ULK4: variants seen among roughly 807,000 people sequenced by gnomAD.
ULK4 encodes inactive serine/threonine-protein kinase ULK4.
ULK4 carries 133 observed loss-of-function variants against 160.6 expected under a neutral mutation model. That is an observed-to-expected ratio of 0.83 (90% CI 0.72 to 0.96). ULK4 has a LOEUF of 0.96. ULK4 is among the 40% of genes least tolerant of loss of function. The probability of loss-of-function intolerance (pLI) is 0.00; values close to 1 mark genes in which losing one functional copy is unlikely to be tolerated. For synonymous variants in ULK4, 534 were observed against 539.8 expected, an observed-to-expected ratio of 0.99 and a Z score of 0.15; for missense variants, 1,580 against 1,499.5, an observed-to-expected ratio of 1.05 and a Z score of -0.89.
chr3:41,273,224 G>T (rs186961717), intron 35 of ULK4, among the ~76,000 whole-genome samples: 31 of 152,052 alleles, frequency 2.0e-4, no homozygotes, highest in African/African-American at 5.5e-4. Flanking sequence ...TTTTTTTGAG[G>T]TCTTGCTTTT....
chr3:41,791,587 C>T (rs2040153152), intron 20 of ULK4, among the ~76,000 whole-genome samples: 1 of 152,158 alleles, frequency 6.6e-6, no homozygotes, highest in African/African-American at 2.4e-5. Flanking sequence ...GAAGAACCTT[C>T]GATCTTCCAC....
At chr3:41,635,271 G>C (rs902905606) in intron 30 of ULK4, among the ~76,000 whole-genome samples, 3 of 152,094 alleles carry the variant, frequency 2.0e-5, no homozygotes, top group Admixed American at 6.6e-5. Context: ...AGGCTATCTT[G>C]TTGACCATGA....
At chr3:41,814,077 CG>C (rs2040894843) in intron 19 of ULK4, among the ~76,000 whole-genome samples, 1 of 152,100 alleles carries the variant, frequency 6.6e-6, no homozygotes, top group Admixed American at 6.5e-5. Flanking sequence ...TCACTGCAAA[CG>C]GGAGGTTTGT....
At chr3:41,439,112 G>A (rs2083101471) in intron 34 of ULK4, among the ~76,000 whole-genome samples, 1 of 152,200 alleles carries the variant, frequency 6.6e-6, no homozygotes, top group Admixed American at 6.5e-5. Flanking sequence ...AAAGGAGACA[G>A]AAGAAGCTTT....
intron 34 of ULK4, among the ~76,000 whole-genome samples, chr3:41,412,805 C>A (rs1024620658): frequency 1.3e-5 from 2 of 151,998 alleles, no homozygotes; most frequent in Non-Finnish European, 2.9e-5. Flanking sequence ...AAGTAATCCA[C>A]CTGTCTCATC....
chr3:41,624,489 T>C (rs1303723868), intron 30 of ULK4, among the ~76,000 whole-genome samples: 1 of 152,102 alleles, frequency 6.6e-6, no homozygotes, highest in Non-Finnish European at 1.5e-5. Flanking sequence ...CAGCTAGTTC[T>C]TCTCCAGGTC....
At chr3:41,572,463 T>C (rs916280707) in intron 31 of ULK4, among the ~76,000 whole-genome samples, 2 of 152,068 alleles carry the variant, frequency 1.3e-5, no homozygotes, top group African/African-American at 4.8e-5. Flanking sequence ...GAGCCCTCAA[T>C]GTTTTTCATT....
intron 31 of ULK4, among the ~76,000 whole-genome samples, chr3:41,589,065 A>C (rs1189011230): frequency 6.6e-6 from 1 of 152,174 alleles, no homozygotes; most frequent in Non-Finnish European, 1.5e-5. Flanking sequence ...TGAGGGATTA[A>C]GAGGATATGC....
chr3:41,554,017 T>C (rs2087186928), intron 32 of ULK4, among the ~76,000 whole-genome samples: 1 of 152,124 alleles, frequency 6.6e-6, no homozygotes, highest in Non-Finnish European at 1.5e-5. Flanking sequence ...GTAACCTTTA[T>C]TCTATCTATC....
intron 35 of ULK4, among the ~76,000 whole-genome samples, chr3:41,386,546 C>A (rs1002799255): frequency 2.0e-5 from 3 of 152,222 alleles, no homozygotes; most frequent in African/African-American, 7.2e-5. Flanking sequence ...GGAGCCACAG[C>A]CAAACCAGAG....
chr3:41,935,887 C>A lies in ULK4; in HGVS notation c.292G>T (p.Val98Leu), dbSNP rs781120612. The change falls in exon 4 of 37, where the codon GTG (valine) becomes TTG (leucine). Residue 98 changes from valine to leucine, a missense_variant. Physicochemically the swap from Val to Leu is conservative, Grantham distance 32. Coordinates refer to ENST00000301831, the MANE Select transcript of ULK4 (RefSeq NM_017886.4). ...AQDENLPEDV[V>L]REFGIDLISG... ...ATCAGGTCAATTCCAAATTCTCTCACAACATCTTCTGGGAGGTTTTCATCT... is the reference window on the plus strand; with the variant it reads ...ATCAGGTCAATTCCAAATTCTCTCAAAACATCTTCTGGGAGGTTTTCATCT... The A allele has an allele frequency of 6.2e-7, 1 of 1,613,970 alleles. No individual in the cohort carries two copies. Among genetic ancestry groups the A allele is most frequent in the East Asian group, 2.2e-5 (1 of 44,866 alleles).
At chr3:41,695,733 G>A (rs565812915) in intron 27 of ULK4, among the ~76,000 whole-genome samples, 1 of 152,234 alleles carries the variant, frequency 6.6e-6, no homozygotes, top group East Asian at 1.9e-4. Context: ...AGCTGTTCCA[G>A]TATAATAAAA....
At chr3:41,750,082 C>A (rs1230975756) in intron 22 of ULK4, among the ~76,000 whole-genome samples, 3 of 152,284 alleles carry the variant, frequency 2.0e-5, no homozygotes, top group Admixed American at 2.0e-4. Flanking sequence ...CTGAGAATCT[C>A]AGCACCAGCC....
chr3:41,909,440 G>A (rs1386686058), intron 11 of ULK4, among the ~76,000 whole-genome samples: 1 of 152,206 alleles, frequency 6.6e-6, no homozygotes, highest in Non-Finnish European at 1.5e-5. Context: ...GGCAGGCACT[G>A]TGGCTCATGC....
intron 31 of ULK4, among the ~76,000 whole-genome samples, chr3:41,576,168 A>T (rs369373408): frequency 1.4e-4 from 21 of 152,342 alleles, no homozygotes; most frequent in African/African-American, 4.8e-4. Context: ...CATCCCTGCC[A>T]CTGTCGAAAA....
rs187914106 is a variant in ULK4, at chr3:41,705,513, T to G, written c.2635-208A>C. Reference sequence around the variant, plus strand: ...CTAAACAATAATCTCTTTTTTTTTTTGAGACAGCGTTTTGTTCTTGTTGCC... The same window carrying G: ...CTAAACAATAATCTCTTTTTTTTTTGGAGACAGCGTTTTGTTCTTGTTGCC... On this transcript the variant is annotated intron_variant, in intron 25 of 36. Transcript: ENST00000301831. 3.1e-3 allele frequency among the ~76,000 whole-genome samples: 470 copies of G among 152,088 alleles called. 1 individual carries two copies. The highest frequency in any genetic ancestry group is 5.7e-3 in the Non-Finnish European group (388 of 67,986).
intron 17 of ULK4, among the ~76,000 whole-genome samples, chr3:41,881,787 A>C (rs1697531768): frequency 6.6e-6 from 1 of 152,230 alleles, no homozygotes. Flanking sequence ...TACTGGAATA[A>C]AAGATACAAG....
At chr3:41,725,304 T>A (rs2037612578) in intron 22 of ULK4, among the ~76,000 whole-genome samples, 1 of 152,126 alleles carries the variant, frequency 6.6e-6, no homozygotes. Context: ...AGCTTAGGAG[T>A]AAAAGTTTTT....
intron 32 of ULK4, among the ~76,000 whole-genome samples, chr3:41,504,607 T>C (rs1575322913): frequency 6.6e-6 from 1 of 152,130 alleles, no homozygotes; most frequent in South Asian, 2.1e-4. Context: ...ATCTATAACC[T>C]AAATGCAACT....
Sources: gnomAD v4.1 joint callset for allele counts (sites outside exome capture counted in the v4.1 genomes callset) on GRCh38, gnomAD v4.1.1 for gene constraint, MANE v1.5 for transcripts, NCBI Gene and HGNC (gene_info 2026-07-23, HGNC 2026-07-21) for gene names.